The following SNRPN variants were observed in gnomAD, a reference collection of about 807,000 sequenced individuals.
SNRPN encodes the protein small nuclear ribonucleoprotein-associated protein N.
Under a neutral mutation model 25.2 loss-of-function variants are expected in SNRPN, and 7 were observed. That is an observed-to-expected ratio of 0.28 (90% CI 0.16 to 0.52). The LOEUF (loss-of-function observed/expected upper bound fraction) is 0.52, where lower values mean the gene tolerates loss of function less well. Among genes scored for constraint, SNRPN ranks in the 20% least tolerant of loss-of-function variants. The pLI is 0.96. For synonymous variants in SNRPN, 124 were observed against 110.6 expected, an observed-to-expected ratio of 1.12 and a Z score of -0.76; for missense variants, 196 against 322.5, an observed-to-expected ratio of 0.61 and a Z score of 3.00.
chr15:24,929,962 T>C lies in SNRPN; in HGVS notation c.-391+9838T>C, dbSNP rs201624127. Among the ~76,000 whole-genome samples the C allele has an allele frequency of 2.0e-4, 30 of 151,058 alleles. No homozygotes were observed. The highest frequency in any genetic ancestry group is 6.3e-4 in the African/African-American group (26 of 41,166). On this transcript the variant is annotated intron_variant, in intron 3 of 11. Coordinates refer to the SNRPN transcript ENST00000400097. The surrounding 1 kb of genome is among the most constrained non-coding windows in gnomAD (Gnocchi z 5.3). The stretch of plus-strand genomic sequence containing the variant: ...CAGCACTTTGGGAGGCCAAGGCGGG[T>C]GGATCACGAGGTCAGGAGATCAAGA...
chr15:24,880,852 T>C (rs2056508717), intron 1 of SNRPN, among the ~76,000 whole-genome samples: 1 of 152,070 alleles, frequency 6.6e-6, no homozygotes, highest in African/African-American at 2.4e-5. Flanking sequence ...CAAGCAATTC[T>C]TGTGCCTCAC....
At chr15:24,829,364 G>C (rs2050334308) in intron 1 of SNRPN, among the ~76,000 whole-genome samples, 1 of 152,080 alleles carries the variant, frequency 6.6e-6, no homozygotes, top group Admixed American at 6.5e-5. Flanking sequence ...AGAGTGAGGA[G>C]CAGTGAGTCC....
chr15:24,830,508 T>C (rs1454914355), intron 2 of SNRPN, among the ~76,000 whole-genome samples: 2 of 152,144 alleles, frequency 1.3e-5, no homozygotes, highest in Non-Finnish European at 2.9e-5. Flanking sequence ...TGCTTCCTTT[T>C]ACAGTAAAAA....
chr15:24,892,900 A>G (rs2057790246), intron 2 of SNRPN, among the ~76,000 whole-genome samples: 1 of 151,656 alleles, frequency 6.6e-6, no homozygotes, highest in South Asian at 2.1e-4. Flanking sequence ...GAGAGAACAG[A>G]GAGGACTTAA....
At chr15:24,904,973 C>T (rs189595742) in intron 2 of SNRPN, among the ~76,000 whole-genome samples, 1,909 of 145,908 alleles carry the variant, frequency 0.013, 18 homozygotes, top group Non-Finnish European at 0.018. Flanking sequence ...ATTAGCTGGG[C>T]GTGGTGGCAT....
chr15:24,977,841 G>T lies in SNRPN; in HGVS notation c.484G>T (p.Ala162Ser), dbSNP rs1410270468. ...TGCTGTTGCTGCGACTGCCAGTATT[G>T]CTGGAGCCCCAACACAGTACCCACC... The part of the protein sequence containing the change: ...AAAVAATASI[A>S]GAPTQYPPGR... The change falls in exon 8 of 10, where the codon GCT (alanine) becomes TCT (serine). Residue 162 changes from alanine to serine, a missense_variant. Coordinates refer to ENST00000390687, the MANE Select transcript of SNRPN (RefSeq NM_003097.6). 1 of 1,613,536 alleles carries T rather than the reference G, an allele frequency of 6.2e-7. No homozygotes were observed. Among genetic ancestry groups the T allele is most frequent in the African/African-American group, 1.3e-5 (1 of 75,018 alleles).
intron 1 of SNRPN, among the ~76,000 whole-genome samples, chr15:24,860,651 G>A (rs1027843182): frequency 1.8e-4 from 27 of 152,140 alleles, no homozygotes; most frequent in African/African-American, 5.5e-4. Flanking sequence ...TTAGCCTAAC[G>A]TTTGGGAAGA....
Position 24,887,130 on chromosome 15 carries a change from G to T in SNRPN, c.-505+541G>T, listed in dbSNP as rs140539271. 4.1e-3 allele frequency among the ~76,000 whole-genome samples: 607 copies of T among 149,672 alleles called. 5 individuals are homozygous for T. Among genetic ancestry groups the T allele is most frequent in the Middle Eastern group, 7.1e-3 (2 of 282 alleles). ...CGGTCCTATAGAAATATATCCCCAC[G>T]AGCACACACTGAGGTCTTTTTTTTT... On this transcript the variant is annotated intron_variant, in intron 2 of 11. Coordinates refer to the SNRPN transcript ENST00000400097.
chr15:24,883,354 A>T (rs2056907546), intron 1 of SNRPN, among the ~76,000 whole-genome samples: 1 of 151,654 alleles, frequency 6.6e-6, no homozygotes. Flanking sequence ...CCTCGGGCTC[A>T]CCCTAGAGCA....
At chr15:24,890,889 T>C (rs2057613813) in intron 2 of SNRPN, among the ~76,000 whole-genome samples, 1 of 152,156 alleles carries the variant, frequency 6.6e-6, no homozygotes. Context: ...GAGAAATAGA[T>C]AAAATGCCAT....
At chr15:24,935,495 G>A (rs2061165818) in intron 3 of SNRPN, among the ~76,000 whole-genome samples, 1 of 152,168 alleles carries the variant, frequency 6.6e-6, no homozygotes, top group African/African-American at 2.4e-5. Flanking sequence ...AGGACCATGA[G>A]TGGATAGGGA....
In SNRPN at chr15:24,974,453, C is replaced by T. The variant is rs758068137; in HGVS notation, c.-1C>T. Reference sequence around the variant, plus strand: ...ACATTGGATTTGGTGGAACAGCAATCATGGTAAGCTGTATGATAAGGCTGA... The same window carrying T: ...ACATTGGATTTGGTGGAACAGCAATTATGGTAAGCTGTATGATAAGGCTGA... On this transcript the variant is annotated 5_prime_UTR_variant, in exon 4 of 10. Transcript: ENST00000390687. The T allele has an allele frequency of 4.3e-6, 7 of 1,613,654 alleles. No homozygotes were observed. Among genetic ancestry groups the T allele is most frequent in the South Asian group, 2.2e-5 (2 of 91,070 alleles).
At chr15:24,961,054 C>T (rs1449980112) in intron 1 of SNRPN, among the ~76,000 whole-genome samples, 1 of 151,926 alleles carries the variant, frequency 6.6e-6, no homozygotes, top group South Asian at 2.1e-4. Flanking sequence ...CTTTCACTTT[C>T]TTTAGTGTTT....
At chr15:24,919,168 G>A (rs1176948304) in intron 2 of SNRPN, among the ~76,000 whole-genome samples, 2 of 151,480 alleles carry the variant, frequency 1.3e-5, no homozygotes, top group African/African-American at 2.4e-5. Flanking sequence ...GGTGGCTCAC[G>A]CCTGTAATCC....
In SNRPN at chr15:24,835,757, G is replaced by A. The variant is rs972876501; in HGVS notation, c.-579+5852G>A. 6.6e-5 allele frequency among the ~76,000 whole-genome samples: 10 copies of A among 152,060 alleles called. 1 individual carries two copies. Among genetic ancestry groups the A allele is most frequent in the East Asian group, 1.9e-4 (1 of 5,196 alleles). On this transcript the variant is annotated intron_variant, in intron 2 of 12. Coordinates refer to the SNRPN transcript ENST00000400100. ...GGGAAGAAAGGTCCAGAACCTATGCGCGGAGTATGTTACTAATCCAGAGAG... is the reference window on the plus strand; with the variant it reads ...GGGAAGAAAGGTCCAGAACCTATGCACGGAGTATGTTACTAATCCAGAGAG...
Position 24,974,430 on chromosome 15 carries a change from A to T in SNRPN, c.-24A>T. The T allele has an allele frequency of 6.2e-7, 1 of 1,613,016 alleles. No individual in the cohort carries two copies. Among genetic ancestry groups the T allele is most frequent in the South Asian group, 1.1e-5 (1 of 91,072 alleles). On this transcript the variant is annotated 5_prime_UTR_variant, in exon 4 of 10. Transcript: ENST00000390687. ...GAAGCATCAAGTTTTAACTGTGGAC[A>T]TTGGATTTGGTGGAACAGCAATCAT...
chr15:24,950,544 C>CTTTT (rs1024998270), upstream of SNRPN, among the ~76,000 whole-genome samples: 109 of 97,004 alleles, frequency 1.1e-3, no homozygotes, highest in Non-Finnish European at 1.4e-3. Context: ...GTTCTCATTT[C>CTTTT]TTTTTTTTTT....
intron 1 of SNRPN, among the ~76,000 whole-genome samples, chr15:24,868,414 T>G (rs1175930248): frequency 6.6e-6 from 1 of 152,160 alleles, no homozygotes; most frequent in African/African-American, 2.4e-5. Context: ...GGCAGAATGC[T>G]CCATCAAAGC....
chr15:24,827,650 C>T (rs1165457569), intron 1 of SNRPN, among the ~76,000 whole-genome samples: 3 of 151,726 alleles, frequency 2.0e-5, no homozygotes, highest in Admixed American at 6.6e-5. Flanking sequence ...AGGAGGATCA[C>T]GAGGTCAGGA....
Sources: gnomAD v4.1 joint callset for allele counts (sites outside exome capture counted in the v4.1 genomes callset) on GRCh38, gnomAD v4.1.1 for gene constraint, Gnocchi (gnomAD v3.1) non-coding constraint, MANE v1.5 for transcripts, NCBI Gene and HGNC (gene_info 2026-07-23, HGNC 2026-07-21) for gene names.